The following RTN4 variants were observed in gnomAD, a reference collection of about 807,000 sequenced individuals.
The protein encoded by RTN4 is reticulon 4.
Under a neutral mutation model 90.4 loss-of-function variants are expected in RTN4, and 32 were observed. The ratio of observed to expected loss-of-function variants is 0.35; its 90% CI spans 0.27 to 0.48. The LOEUF (loss-of-function observed/expected upper bound fraction) is 0.48, where lower values mean the gene tolerates loss of function less well. RTN4 is among the 20% of genes least tolerant of loss of function. The pLI is 0.99. For synonymous variants in RTN4, 629 were observed against 552.5 expected, an observed-to-expected ratio of 1.14 and a Z score of -1.94; for missense variants, 1,706 against 1,430.2, an observed-to-expected ratio of 1.19 and a Z score of -3.11.
chr2:55,083,442 G>A (rs1187387698), intron 1 of RTN4, among the ~76,000 whole-genome samples: 1 of 152,028 alleles, frequency 6.6e-6, no homozygotes. Context: ...GTTGCAGTGA[G>A]CCAAGATTGC....
intron 2 of RTN4, among the ~76,000 whole-genome samples, chr2:55,068,619 A>T (rs1668434786): frequency 7.2e-6 from 1 of 138,502 alleles, no homozygotes; most frequent in Non-Finnish European, 1.5e-5. Flanking sequence ...AAGTTTGAAT[A>T]ACCACAGTTT....
chr2:55,050,225 G>A lies in RTN4; in HGVS notation c.76C>T (p.Gln26Ter). ...TCGTCCTCGGGCTCCCTCACGAACT[G>A]GTACTTGAACGCGGGCTGCGGCCGG... Reference protein sequence around the residue: ...PPRPQPAFKYQFVREPEDEEE... With the variant: ...PPRPQPAFKY The change falls in exon 1 of 9, where the codon CAG becomes TAG. Residue 26 changes from glutamine (Q) to a stop codon, truncating the protein, a stop_gained. Coordinates refer to ENST00000337526, the MANE Select transcript of RTN4 (RefSeq NM_020532.5). LOFTEE classifies it high-confidence loss of function. This position sits in a 1 kb window ranked among gnomAD's most constrained non-coding sequence, Gnocchi z 4.6. 2 of 1,560,432 alleles carry A rather than the reference G, an allele frequency of 1.3e-6. No homozygotes were observed. Among genetic ancestry groups the A allele is most frequent in the African/African-American group, 1.4e-5 (1 of 71,244 alleles).
intron 3 of RTN4, among the ~76,000 whole-genome samples, chr2:55,017,262 C>G (rs531993603): frequency 1.3e-5 from 2 of 152,192 alleles, no homozygotes; most frequent in East Asian, 1.9e-4. Context: ...TAAAAAAACT[C>G]AAAGGCTATA....
At chr2:54,973,896 AAAG>A in intron 6 of RTN4, 29 bp from the exon 7 acceptor site, 1 of 1,591,760 alleles carries the variant, frequency 6.3e-7, no homozygotes. Context: ...AACTTTTCAA[AAAG>A]AACGGAATGA....
chr2:55,093,729 C>G (rs778431703), intron 1 of RTN4, among the ~76,000 whole-genome samples: 1 of 152,132 alleles, frequency 6.6e-6, no homozygotes, highest in Non-Finnish European at 1.5e-5. Context: ...GTAAATGTCT[C>G]AATTGTTTCC....
chr2:55,032,450 T>G (rs1382527806), intron 1 of RTN4, among the ~76,000 whole-genome samples: 2 of 151,892 alleles, frequency 1.3e-5, no homozygotes, highest in Non-Finnish European at 2.9e-5. Context: ...GACAGACATA[T>G]AGAGTAGACA....
chr2:55,057,545 G>A (rs1346980980), intron 2 of RTN4, among the ~76,000 whole-genome samples: 26 of 152,170 alleles, frequency 1.7e-4, no homozygotes, highest in South Asian at 2.1e-4. Context: ...TAGCTAAGGT[G>A]AAGCCATGTT....
intron 3 of RTN4, among the ~76,000 whole-genome samples, chr2:54,988,522 T>C (rs983053775): frequency 7.2e-5 from 11 of 152,200 alleles, no homozygotes; most frequent in African/African-American, 2.7e-4. Context: ...TTTTTTCTTA[T>C]TTGATTTTTT....
Position 55,109,117 on chromosome 2 carries a change from A to G in RTN4, c.-214+3403T>C, listed in dbSNP as rs550299828. On this transcript the variant is annotated intron_variant, in intron 1 of 3. Coordinates refer to the RTN4 transcript ENST00000427710. ...TGAAACGTTTCAGCCACAGCTGTTA[A>G]AAGATTGATAAATTTTAAGTTCCTG... is the stretch of plus-strand genomic sequence containing the variant. Among the ~76,000 whole-genome samples, 107 of 152,240 alleles carry G rather than the reference A, an allele frequency of 7.0e-4. 2 individuals are homozygous for G. The highest frequency in any genetic ancestry group is 2.5e-3 in the African/African-American group (104 of 41,520).
intron 1 of RTN4, among the ~76,000 whole-genome samples, chr2:55,033,522 C>T (rs979339959): frequency 3.3e-5 from 5 of 152,152 alleles, no homozygotes; most frequent in Admixed American, 1.3e-4. Flanking sequence ...GTAACCCTAC[C>T]GCCTTCTTGT....
chr2:54,992,057 A>G (rs138179007), intron 3 of RTN4, among the ~76,000 whole-genome samples: 174 of 152,282 alleles, frequency 1.1e-3, no homozygotes, highest in African/African-American at 4.1e-3. Context: ...ATGAGCCACT[A>G]TGCAAAGTGG....
intron 1 of RTN4, among the ~76,000 whole-genome samples, chr2:55,089,401 C>T (rs956529665): frequency 6.6e-6 from 1 of 152,174 alleles, no homozygotes; most frequent in Admixed American, 6.5e-5. Context: ...TGGGCTAGAG[C>T]AGGGTCTCTG....
chr2:55,026,932 T>G lies in RTN4; in HGVS notation c.1167A>C (p.Pro389=). 6.8e-6 allele frequency: 11 copies of G among 1,613,684 alleles called. No homozygotes were observed. The highest frequency in any genetic ancestry group is 9.3e-6 in the Non-Finnish European group (11 of 1,179,890). The change falls in exon 3 of 9, where the codon CCA becomes CCC. Residue 389 remains proline (P), a synonymous_variant. Transcript: ENST00000337526. ...CTTTCACTTCCCATACTCGCTCAAA[T>G]GGTTTGAAGTCTGCATATTCCTCCC... ...PMREEYADFK[P]FERVWEVKDS...
At chr2:55,131,775 T>C in the RTN4 span, among the ~76,000 whole-genome samples, 3 of 151,984 alleles carry the variant, frequency 2.0e-5, no homozygotes, top group South Asian at 4.1e-4. Context: ...TCCCAGCTAC[T>C]TGGGAAGCTG....
chr2:55,039,698 G>A (rs1308930586), intron 1 of RTN4, among the ~76,000 whole-genome samples: 1 of 152,136 alleles, frequency 6.6e-6, no homozygotes, highest in African/African-American at 2.4e-5. Context: ...AGAATCACTT[G>A]AACCCAGGAG....
chr2:55,084,827 C>T (rs1668807079), intron 1 of RTN4, among the ~76,000 whole-genome samples: 1 of 152,128 alleles, frequency 6.6e-6, no homozygotes, highest in Admixed American at 6.5e-5. Flanking sequence ...CTCTGTCACT[C>T]AGGCTGGAGT....
chr2:55,052,621 C>T (rs1668116765), upstream of RTN4, among the ~76,000 whole-genome samples: 1 of 152,014 alleles, frequency 6.6e-6, no homozygotes, highest in African/African-American at 2.4e-5. Flanking sequence ...AAGTTAATGC[C>T]AAATGAATTT....
At chr2:55,108,162 C>A (rs1263407027) in intron 1 of RTN4, among the ~76,000 whole-genome samples, 2 of 152,082 alleles carry the variant, frequency 1.3e-5, no homozygotes, top group Non-Finnish European at 2.9e-5. Context: ...CCCATGTTGG[C>A]CAGGCTGGTC....
intron 1 of RTN4, among the ~76,000 whole-genome samples, chr2:55,112,366 G>A (rs1668053681): frequency 6.6e-6 from 1 of 152,242 alleles, no homozygotes; most frequent in African/African-American, 2.4e-5. Flanking sequence ...GTCAAGTGGT[G>A]ATTAAGCAAG....
Sources: allele counts gnomAD v4.1 joint callset (sites outside exome capture counted in the v4.1 genomes callset), GRCh38; gene constraint gnomAD v4.1.1; non-coding constraint Gnocchi (gnomAD v3.1); transcripts MANE v1.5; gene names NCBI Gene and HGNC (gene_info 2026-07-23, HGNC 2026-07-21).